Variants in SPTBN1 observed in about 807,000 individuals in gnomAD.
SPTBN1 encodes the protein spectrin beta chain, non-erythrocytic 1.
SPTBN1 carries 32 observed loss-of-function variants against 266.4 expected under a neutral mutation model. That is an observed-to-expected ratio of 0.12 (90% confidence interval 0.09 to 0.16). The LOEUF (loss-of-function observed/expected upper bound fraction) is 0.16, where lower values mean the gene tolerates loss of function less well. SPTBN1 is among the 10% of genes least tolerant of loss of function. The probability of loss-of-function intolerance (pLI) is 1.00; values close to 1 mark genes in which losing one functional copy is unlikely to be tolerated. For synonymous variants in SPTBN1, 1,336 were observed against 1,162.2 expected (o/e 1.15, Z -3.04); for missense variants, 2,296 against 3,067.1 (o/e 0.75, Z 5.94).
At chr2:54,586,873 A>T (rs1257533938) in intron 2 of SPTBN1, among the ~76,000 whole-genome samples, 1 of 152,140 alleles carries the variant, frequency 6.6e-6, no homozygotes, top group African/African-American at 2.4e-5. Context: ...AAAAACATTG[A>T]GGTAGAGCAG....
Position 54,664,379 on chromosome 2 carries a change from C to T in SPTBN1, c.6421-74C>T, listed in dbSNP as rs2104249332. The T allele has an allele frequency of 2.4e-5, 35 of 1,450,170 alleles. No individual in the cohort carries two copies. Among genetic ancestry groups the T allele is most frequent in the Non-Finnish European group, 2.9e-5 (31 of 1,053,884 alleles). 89.8% of individuals were successfully genotyped at this position (1,450,170 alleles called of 1,614,324 possible). A position where few individuals can be genotyped will look rare whatever the true frequency, so the allele number is the denominator to read the frequency against. On this transcript the variant is annotated intron_variant, in intron 32 of 35. Coordinates refer to ENST00000356805, the MANE Select transcript of SPTBN1 (RefSeq NM_003128.3). The surrounding 1 kb of genome is among the most constrained non-coding windows in gnomAD (Gnocchi z 5.6). The stretch of plus-strand genomic sequence containing the variant: ...AGGCATTTATACACAGCCACATGTG[C>T]GAGTCAGGTAGAGCGTATGTGGTCA...
At chr2:54,496,165 G>A (rs1033917681) in intron 1 of SPTBN1, among the ~76,000 whole-genome samples, 8 of 152,074 alleles carry the variant, frequency 5.3e-5, no homozygotes, top group Non-Finnish European at 8.8e-5. Flanking sequence ...GGCCAGGCAC[G>A]ATGACTCACA....
intron 1 of SPTBN1, among the ~76,000 whole-genome samples, chr2:54,463,464 A>C (rs890118789): frequency 1.3e-5 from 2 of 152,180 alleles, no homozygotes; most frequent in African/African-American, 4.8e-5. Flanking sequence ...CTTTGGATGG[A>C]GGGGCCCTGG....
At chr2:54,513,746 A>G (rs1669973992) in intron 1 of SPTBN1, among the ~76,000 whole-genome samples, 1 of 152,200 alleles carries the variant, frequency 6.6e-6, no homozygotes, top group South Asian at 2.1e-4. Context: ...CAGTTTTTTA[A>G]TAGCTCTTCT....
rs933440399 is a variant in SPTBN1 at position 54,653,584 on chromosome 2, G to T, written c.5578-25G>T. 6.2e-7 allele frequency: 1 copy of T among 1,610,416 alleles called. No individual in the cohort carries two copies. Among genetic ancestry groups the T allele is most frequent in the Non-Finnish European group, 8.5e-7 (1 of 1,179,150 alleles). On this transcript the variant is annotated intron_variant, in intron 26 of 35. Coordinates refer to ENST00000356805, the MANE Select transcript of SPTBN1 (RefSeq NM_003128.3). The surrounding 1 kb of genome is among the most constrained non-coding windows in gnomAD (Gnocchi z 5.1). The stretch of plus-strand genomic sequence containing the variant: ...GGGAAGGCCGCCATGGGCTGACCTG[G>T]CTCATCCCCTACATGGCTTCACAGG...
At chr2:54,612,498 C>T (rs1457236235) in intron 4 of SPTBN1, among the ~76,000 whole-genome samples, 164 bp downstream of exon 4, 1 of 152,184 alleles carries the variant, frequency 6.6e-6, no homozygotes, top group Non-Finnish European at 1.5e-5. Context: ...TGAATGCTGC[C>T]TCGTAGGCAC....
At chr2:54,522,020 C>T (rs1208675732) in intron 1 of SPTBN1, among the ~76,000 whole-genome samples, 1 of 152,070 alleles carries the variant, frequency 6.6e-6, no homozygotes, top group Non-Finnish European at 1.5e-5. Flanking sequence ...ACCTCAGCCT[C>T]CCAAGTAGCT....
At chr2:54,666,109 T>G (rs1428394452) in intron 34 of SPTBN1, 21 bp downstream of exon 34, 1 of 1,596,494 alleles carries the variant, frequency 6.3e-7, no homozygotes, top group Non-Finnish European at 8.5e-7. Flanking sequence ...CCGTGCTTCA[T>G]GGCTGCCAGA....
At chr2:54,504,283 A>C (rs1669436739) in intron 1 of SPTBN1, among the ~76,000 whole-genome samples, 1 of 152,216 alleles carries the variant, frequency 6.6e-6, no homozygotes, top group South Asian at 2.1e-4. Flanking sequence ...TTCTTAAATA[A>C]AAACCTTTTG....
chr2:54,663,707 T>G (rs1681196986), intron 32 of SPTBN1: 1 of 152,232 alleles, frequency 6.6e-6, no homozygotes, highest in Non-Finnish European at 1.5e-5. Context: ...AGCTGTGTGG[T>G]GTTGAGTGAC....
chr2:54,607,571 C>T (rs545484814), intron 3 of SPTBN1, among the ~76,000 whole-genome samples: 10 of 152,100 alleles, frequency 6.6e-5, no homozygotes, highest in East Asian at 3.9e-4. Context: ...GCGGTGAGAT[C>T]GTGCCATTGC....
rs1247376910 is a variant in SPTBN1 at position 54,599,084 on chromosome 2, G to A, written c.149-8G>A. The A allele has an allele frequency of 6.2e-7, 1 of 1,613,722 alleles. No homozygotes were observed. The highest frequency in any genetic ancestry group is 8.5e-7 in the Non-Finnish European group (1 of 1,179,786). On this transcript the variant is annotated splice_polypyrimidine_tract_variant and splice_region_variant and intron_variant, in intron 2 of 35. Coordinates refer to ENST00000356805, the MANE Select transcript of SPTBN1 (RefSeq NM_003128.3). The stretch of plus-strand genomic sequence containing the variant: ...TCAATGGTAAAACAAGTTCTTCTCT[G>A]CTTGCAGATGAGCGTGAAGCCGTGC...
intron 17 of SPTBN1, among the ~76,000 whole-genome samples, chr2:54,634,092 C>T (rs1377577695): frequency 6.6e-6 from 1 of 152,166 alleles, no homozygotes; most frequent in Non-Finnish European, 1.5e-5. Context: ...GTAATATTAA[C>T]TCTGAGTATT....
At chr2:54,610,129 G>C (rs1677113415) in intron 3 of SPTBN1, among the ~76,000 whole-genome samples, 1 of 147,334 alleles carries the variant, frequency 6.8e-6, no homozygotes. Context: ...CTGCCTCTTG[G>C]TCAGCAAAAG....
At chr2:54,658,725 GT>G (rs751315012) in intron 30 of SPTBN1, among the ~76,000 whole-genome samples, 91 of 152,292 alleles carry the variant, frequency 6.0e-4, no homozygotes, top group Middle Eastern at 6.8e-3. Flanking sequence ...TGTTGTTTGG[GT>G]TTTGGCTGAA....
At chr2:54,582,491 GA>G (rs1675000742) in intron 2 of SPTBN1, among the ~76,000 whole-genome samples, 1 of 151,320 alleles carries the variant, frequency 6.6e-6, no homozygotes, top group East Asian at 1.9e-4. Flanking sequence ...GTGAATCCAG[GA>G]GGCGGAGCTT....
chr2:54,615,417 A>G (rs1677534160), intron 4 of SPTBN1, among the ~76,000 whole-genome samples: 1 of 152,234 alleles, frequency 6.6e-6, no homozygotes, highest in African/African-American at 2.4e-5. Context: ...AAACTTTCAT[A>G]TAATAGACAA....
intron 18 of SPTBN1, among the ~76,000 whole-genome samples, chr2:54,638,764 A>G (rs1040405332): frequency 3.3e-5 from 5 of 152,102 alleles, no homozygotes; most frequent in Admixed American, 3.3e-4. Flanking sequence ...AAAAAGCTGC[A>G]GGAACCTTGA....
rs371084035 is a variant in SPTBN1, at chr2:54,485,987, C to T, written c.-48+29469C>T. ...CCGTCTGAGAAGTGAGGAGCCTCTC[C>T]GCCCGGCAGCCGCCCCGTCCCGGAG... On this transcript the variant is annotated intron_variant, in intron 1 of 35. Coordinates refer to ENST00000356805, the MANE Select transcript of SPTBN1 (RefSeq NM_003128.3). Among the ~76,000 whole-genome samples, 376 of 149,732 alleles carry T rather than the reference C, an allele frequency of 2.5e-3. 2 individuals carry two copies. The highest frequency in any genetic ancestry group is 0.019 in the East Asian group (96 of 4,980).
Sources: allele counts gnomAD v4.1 joint callset (sites outside exome capture counted in the v4.1 genomes callset), GRCh38; gene constraint gnomAD v4.1.1; non-coding constraint Gnocchi (gnomAD v3.1); transcripts MANE v1.5; gene names NCBI Gene and HGNC (gene_info 2026-07-23, HGNC 2026-07-21).